The following ZNF774 variants were observed in gnomAD, a reference collection of about 807,000 sequenced individuals.
ZNF774 encodes the protein zinc finger protein 774.
Under a neutral mutation model 11.1 loss-of-function variants are expected in ZNF774, and 14 were observed. The observed-to-expected ratio is 1.26, with a 90% CI of 0.83 to 1.97. The LOEUF is 1.97. Among genes scored for constraint, ZNF774 ranks in the 30% most tolerant of loss-of-function variants. The pLI is 0.00. For synonymous variants in ZNF774, 195 were observed against 212.6 expected (o/e 0.92, Z 0.72); for missense variants, 599 against 587.0 (o/e 1.02, Z -0.21).
chr15:90,360,794 C>A lies in ZNF774; in HGVS notation c.963C>A (p.Cys321Ter). ...ACACGGGAGAACGGCCCTTCAAATG[C>A]CCGGAGTGCGGGAAGGGCTTCAGAG... The part of the protein sequence containing the change: ...RTHTGERPFK[C>*]PECGKGFRDS... Residue 321 changes from cysteine (C) to a stop codon, truncating the protein, a stop_gained, in exon 4 of 4, where the codon TGC (cysteine) becomes TGA (stop). Coordinates refer to ENST00000354377, the MANE Select transcript of ZNF774 (RefSeq NM_001004309.3). LOFTEE classifies it low-confidence loss of function (END_TRUNC). 1.9e-6 allele frequency: 3 copies of A among 1,614,054 alleles called. No individual in the cohort carries two copies. The highest frequency in any genetic ancestry group is 1.1e-5 in the South Asian group (1 of 91,082).
intron 1 of ZNF774, among the ~76,000 whole-genome samples, chr15:90,353,979 A>G (rs1406367589): frequency 1.3e-5 from 2 of 152,272 alleles, no homozygotes. Context: ...TCGATTTATT[A>G]ATATATTAAT....
At chr15:90,355,463 G>A (rs990126856) in intron 2 of ZNF774, 14 of 455,848 alleles carry the variant, frequency 3.1e-5, no homozygotes, top group Middle Eastern at 3.3e-4. Context: ...AGTGGCTCAC[G>A]CCTGTAATCC....
chr15:90,361,275 T>A lies in ZNF774; in HGVS notation c.1444T>A (p.Leu482Met). The change falls in exon 4 of 4, where the codon TTG becomes ATG. Residue 482 changes from leucine (L) to methionine (M), a missense_variant. Leu to Met is a conservative substitution (Grantham distance 15). Coordinates refer to ENST00000354377, the MANE Select transcript of ZNF774 (RefSeq NM_001004309.3). Reference sequence around the variant, plus strand: ...TCTTTTATGCCATCAAAACACCCATTTGATTTAGGAAGTAGTCTTTGGTGT... The same window carrying A: ...TCTTTTATGCCATCAAAACACCCATATGATTTAGGAAGTAGTCTTTGGTGT... ...AHLLCHQNTH[L>M]I is the part of the protein sequence containing the mutation. The A allele has an allele frequency of 6.3e-7, 1 of 1,599,042 alleles. No individual in the cohort carries two copies. The highest frequency in any genetic ancestry group is 8.5e-7 in the Non-Finnish European group (1 of 1,171,544).
chr15:90,353,240 TAC>T (rs1468028677), intron 1 of ZNF774, among the ~76,000 whole-genome samples: 2 of 152,172 alleles, frequency 1.3e-5, no homozygotes, highest in African/African-American at 4.8e-5. Flanking sequence ...GTGCTGGGAT[TAC>T]AGTCATGAGC....
Position 90,354,713 on chromosome 15 carries a change from A to G in ZNF774, c.53A>G (p.Asn18Ser), listed in dbSNP as rs142510434. 3.8e-5 allele frequency: 62 copies of G among 1,612,472 alleles called. No individual in the cohort carries two copies. In the African/African-American group the frequency reaches 8.1e-4, roughly 21 times the overall value. ...GGGTTACCTGGACACTGCTTAGAGA[A>G]TCCTCTCCAGGAATGCCACCCAGCA... is the stretch of plus-strand genomic sequence containing the variant. Reference protein sequence around the residue: ...KSGLPGHCLENPLQECHPAQL... With the variant: ...KSGLPGHCLESPLQECHPAQL... Residue 18 changes from asparagine to serine, a missense_variant, in exon 2 of 4, where the codon AAT becomes AGT. Coordinates refer to ENST00000354377, the MANE Select transcript of ZNF774 (RefSeq NM_001004309.3).
Position 90,361,051 on chromosome 15 carries a change from A to T in ZNF774, c.1220A>T (p.Glu407Val), listed in dbSNP as rs2151683378. 1 of 1,614,154 alleles carries T rather than the reference A, an allele frequency of 6.2e-7. No homozygotes were observed. The highest frequency in any genetic ancestry group is 1.6e-4 in the Middle Eastern group (1 of 6,062). ...GGAGAAAGACCCTACAAATGTGGAGAGTGTGGGAAGAGCTTCAATCAGAGC... is the reference window on the plus strand; with the variant it reads ...GGAGAAAGACCCTACAAATGTGGAGTGTGTGGGAAGAGCTTCAATCAGAGC... ...HTGERPYKCG[E>V]CGKSFNQSSH... The change falls in exon 4 of 4, where the codon GAG becomes GTG. Residue 407 changes from glutamate (E) to valine (V), a missense_variant. Transcript: ENST00000354377.
In ZNF774 at chr15:90,353,239, T is replaced by C. The variant is rs1177530832; in HGVS notation, c.-20+828T>C. On this transcript the variant is annotated intron_variant, in intron 1 of 3. Coordinates refer to ENST00000354377, the MANE Select transcript of ZNF774 (RefSeq NM_001004309.3). ...GTCTCGTCTTCCCAAAGTGCTGGGA[T>C]TACAGTCATGAGCCACAGCACCTGG... Among the ~76,000 whole-genome samples the C allele has an allele frequency of 2.6e-5, 4 of 152,150 alleles. No homozygotes were observed. In the East Asian group the frequency reaches 7.7e-4, roughly 29 times the overall value.
At position 90,360,417 on chromosome 15, in the gene ZNF774, A is replaced by G; in HGVS notation, c.586A>G (p.Thr196Ala). ...KGFKQSSDLV[T>A]HRRTHTGEKP... ...CTTCAAACAGAGCTCAGACCTTGTC[A>G]CCCATCGCAGAACACACACAGGAGA... Residue 196 changes from threonine (T) to alanine (A), a missense_variant, in exon 4 of 4, where the codon ACC (threonine) becomes GCC (alanine). Transcript: ENST00000354377. 6.2e-7 allele frequency: 1 copy of G among 1,613,906 alleles called. No homozygotes were observed. Among genetic ancestry groups the G allele is most frequent in the Non-Finnish European group, 8.5e-7 (1 of 1,180,022 alleles).
In ZNF774 at chr15:90,354,730, C is replaced by T. The variant is rs2151680760; in HGVS notation, c.70C>T (p.His24Tyr). The stretch of plus-strand genomic sequence containing the variant: ...CTTAGAGAATCCTCTCCAGGAATGC[C>T]ACCCAGCACAGTTAGAAGAATGGGC... ...HCLENPLQEC[H>Y]PAQLEEWALK... Residue 24 changes from histidine (H) to tyrosine (Y), a missense_variant, in exon 2 of 4, where the codon CAC becomes TAC. Transcript: ENST00000354377. 1.9e-6 allele frequency: 3 copies of T among 1,612,290 alleles called. No homozygotes were observed. The highest frequency in any genetic ancestry group is 2.2e-5 in the East Asian group (1 of 44,896).
At chr15:90,355,333 A>T (rs542203107) in intron 2 of ZNF774, 128 of 456,098 alleles carry the variant, frequency 2.8e-4, no homozygotes, top group South Asian at 1.9e-3. Context: ...CTTATGTATT[A>T]CTATCCCCCT....
chr15:90,362,547 C>A lies in ZNF774; in HGVS notation c.*1264C>A. On this transcript the variant is annotated 3_prime_UTR_variant, in exon 4 of 4. Coordinates refer to ENST00000354377, the MANE Select transcript of ZNF774 (RefSeq NM_001004309.3). ...ATATAATTCTCTGATCCTTTTAGGG[C>A]CATCCAGGTTATGCACTAGTACATT... is the stretch of plus-strand genomic sequence containing the variant. 1.3e-6 allele frequency: 2 copies of A among 1,535,806 alleles called. No individual in the cohort carries two copies. The highest frequency in any genetic ancestry group is 8.7e-7 in the Non-Finnish European group (1 of 1,146,696).
intron 2 of ZNF774, among the ~76,000 whole-genome samples, chr15:90,355,591 C>T (rs767344778): frequency 1.3e-5 from 2 of 151,560 alleles, no homozygotes; most frequent in African/African-American, 4.9e-5. Context: ...GGTGTGATAG[C>T]GGGCGCCTGT....
chr15:90,358,729 C>T, intron 2 of ZNF774, 122 bp from the exon 3 acceptor site: 1 of 618,792 alleles, frequency 1.6e-6, no homozygotes, highest in Non-Finnish European at 2.8e-6. Flanking sequence ...TTAATGACAC[C>T]AAATACACGT....
chr15:90,358,879 C>A lies in ZNF774; in HGVS notation c.133C>A (p.Pro45Thr). Reference protein sequence around the residue: ...GISRPSVISQPEQKEEPWVLP... With the variant: ...GISRPSVISQTEQKEEPWVLP... ...TTCCAGGCCTAGTGTAATCTCCCAG[C>A]CGGAGCAGAAAGAAGAGCCATGGGT... Residue 45 changes from proline (P) to threonine (T), a missense_variant, in exon 3 of 4, where the codon CCG (proline) becomes ACG (threonine). Coordinates refer to ENST00000354377, the MANE Select transcript of ZNF774 (RefSeq NM_001004309.3). The A allele has an allele frequency of 6.2e-7, 1 of 1,613,146 alleles. No individual in the cohort carries two copies. Among genetic ancestry groups the A allele is most frequent in the East Asian group, 2.2e-5 (1 of 44,834 alleles).
At chr15:90,355,943 A>G (rs1166364929) in intron 2 of ZNF774, among the ~76,000 whole-genome samples, 1 of 146,422 alleles carries the variant, frequency 6.8e-6, no homozygotes, top group Non-Finnish European at 1.5e-5. Flanking sequence ...GCAGGAGAAC[A>G]GCGTGAACTG....
At chr15:90,356,269 A>G in intron 2 of ZNF774, among the ~76,000 whole-genome samples, 1 of 151,784 alleles carries the variant, frequency 6.6e-6, no homozygotes, top group East Asian at 1.9e-4. Flanking sequence ...GGTTATCTCC[A>G]TGTGGTCAGG....
At position 90,360,963 on chromosome 15, in the gene ZNF774, G is replaced by A. The variant is rs780884098; in HGVS notation, c.1132G>A (p.Glu378Lys). 1.1e-5 allele frequency: 17 copies of A among 1,613,998 alleles called. No individual in the cohort carries two copies. The highest frequency in any genetic ancestry group is 1.0e-4 in the Admixed American group (6 of 60,004). ...THTGERPFKC[E>K]NCGKGFADSS... ...CACAGGTGAGAGACCTTTTAAGTGC[G>A]AAAACTGTGGGAAAGGATTCGCCGA... Residue 378 changes from glutamate (E) to lysine (K), a missense_variant, in exon 4 of 4, where the codon GAA becomes AAA. Physicochemically the swap from Glu to Lys is moderately conservative, Grantham distance 56 (BLOSUM62 1). Coordinates refer to ENST00000354377, the MANE Select transcript of ZNF774 (RefSeq NM_001004309.3).
intron 2 of ZNF774, chr15:90,355,462 C>G (rs374266713): frequency 2.2e-6 from 1 of 455,584 alleles, no homozygotes; most frequent in Non-Finnish European, 4.4e-6. Flanking sequence ...CAGTGGCTCA[C>G]GCCTGTAATC....
In ZNF774 at chr15:90,361,058, G is replaced by A; in HGVS notation, c.1227G>A (p.Gly409=). The A allele has an allele frequency of 6.2e-7, 1 of 1,614,174 alleles. No homozygotes were observed. Among genetic ancestry groups the A allele is most frequent in the South Asian group, 1.1e-5 (1 of 91,082 alleles). The part of the protein sequence containing the change: ...GERPYKCGEC[G]KSFNQSSHFI... ...GACCCTACAAATGTGGAGAGTGTGG[G>A]AAGAGCTTCAATCAGAGCTCCCACT... Residue 409 remains glycine (G), a synonymous_variant, in exon 4 of 4, where the codon GGG becomes GGA. Coordinates refer to ENST00000354377, the MANE Select transcript of ZNF774 (RefSeq NM_001004309.3).
Sources: allele counts gnomAD v4.1 joint callset (sites outside exome capture counted in the v4.1 genomes callset), GRCh38; gene constraint gnomAD v4.1.1; transcripts MANE v1.5; gene names NCBI Gene and HGNC (gene_info 2026-07-23, HGNC 2026-07-21).